PDE1A: variants seen among roughly 807,000 people sequenced by gnomAD.
PDE1A encodes the protein dual specificity calcium/calmodulin-dependent 3',5'-cyclic nucleotide phosphodiesterase 1A.
A neutral mutation model predicts 61.7 loss-of-function variants in PDE1A; 35 were observed. The ratio of observed to expected loss-of-function variants is 0.57; its 90% confidence interval spans 0.43 to 0.75. The LOEUF is 0.75. Ranked by LOEUF, PDE1A falls within the 30% of genes least tolerant of loss-of-function variation. PDE1A has a pLI of 0.00. For missense variants in PDE1A, 597 were observed against 630.6 expected (o/e 0.95, Z 0.57); for synonymous variants, 232 against 213.2 (o/e 1.09, Z -0.77).
intron 1 of PDE1A, among the ~76,000 whole-genome samples, chr2:182,421,758 C>T (rs920991268): frequency 7.2e-5 from 11 of 152,254 alleles, no homozygotes; most frequent in Middle Eastern, 3.4e-3. Flanking sequence ...TCATGGTAAA[C>T]ATTATCTGCC....
the PDE1A span, among the ~76,000 whole-genome samples, chr2:182,532,111 TA>T: frequency 3.2e-4 from 49 of 152,064 alleles, no homozygotes; most frequent in Non-Finnish European, 5.7e-4. Flanking sequence ...ACCATTTTGG[TA>T]AAAAAAATTT....
At chr2:182,236,606 T>A (rs889757718) in intron 3 of PDE1A, among the ~76,000 whole-genome samples, 26 of 152,228 alleles carry the variant, frequency 1.7e-4, no homozygotes, top group Non-Finnish European at 3.5e-4. Flanking sequence ...AACTATTTAA[T>A]GTCATTCATT....
intron 1 of PDE1A, among the ~76,000 whole-genome samples, chr2:182,346,216 C>CA (rs1698509925): frequency 6.6e-6 from 1 of 151,874 alleles, no homozygotes; most frequent in East Asian, 1.9e-4. Context: ...CAACAAGAGG[C>CA]AAAATAAATA....
chr2:182,354,620 G>A (rs1699074194), intron 1 of PDE1A, among the ~76,000 whole-genome samples: 1 of 152,142 alleles, frequency 6.6e-6, no homozygotes, highest in South Asian at 2.1e-4. Flanking sequence ...ATGGCAACAA[G>A]TGCTTGAGAA....
At chr2:182,242,893 T>C (rs1036960854) in intron 2 of PDE1A, among the ~76,000 whole-genome samples, 2 of 117,826 alleles carry the variant, frequency 1.7e-5, no homozygotes, top group East Asian at 2.2e-4. Context: ...CCTCTCTCTC[T>C]CTCTCCCTCT....
At chr2:182,355,888 A>G (rs916777152) in intron 1 of PDE1A, among the ~76,000 whole-genome samples, 3 of 152,134 alleles carry the variant, frequency 2.0e-5, no homozygotes, top group Non-Finnish European at 2.9e-5. Flanking sequence ...TGTCTGAAAT[A>G]TTTTCATTTG....
intron 1 of PDE1A, among the ~76,000 whole-genome samples, chr2:182,271,017 A>G (rs1367563153): frequency 1.3e-5 from 2 of 151,912 alleles, no homozygotes; most frequent in Non-Finnish European, 2.9e-5. Flanking sequence ...GCTCCATGAT[A>G]CCTTTATTTT....
chr2:182,631,147 G>A, the PDE1A span, among the ~76,000 whole-genome samples: 1 of 151,958 alleles, frequency 6.6e-6, no homozygotes, highest in South Asian at 2.1e-4. Context: ...TTAAAAACTT[G>A]ACAGCCAGAA....
At chr2:182,236,036 C>A (rs1387962718) in intron 3 of PDE1A, among the ~76,000 whole-genome samples, 1 of 152,180 alleles carries the variant, frequency 6.6e-6, no homozygotes, top group Non-Finnish European at 1.5e-5. Flanking sequence ...TTAATTACAT[C>A]TCTAGCCTAG....
the PDE1A span, among the ~76,000 whole-genome samples, chr2:182,623,994 G>T: frequency 1.3e-5 from 2 of 151,522 alleles, no homozygotes; most frequent in South Asian, 4.2e-4. Flanking sequence ...GCGTAGTGGC[G>T]GGCGCCTGTA....
chr2:182,410,262 G>A (rs948607792), intron 1 of PDE1A, among the ~76,000 whole-genome samples: 1 of 152,112 alleles, frequency 6.6e-6, no homozygotes, highest in African/African-American at 2.4e-5. Flanking sequence ...AGCTACTTGA[G>A]AGGCTGAGGC....
chr2:182,388,267 C>G (rs543633070), intron 1 of PDE1A, among the ~76,000 whole-genome samples: 1 of 152,122 alleles, frequency 6.6e-6, no homozygotes, highest in Non-Finnish European at 1.5e-5. Flanking sequence ...CAGCAATGAA[C>G]AGATTCAACC....
chr2:182,308,568 T>C (rs944540635), intron 1 of PDE1A, among the ~76,000 whole-genome samples: 1 of 152,064 alleles, frequency 6.6e-6, no homozygotes, highest in Admixed American at 6.6e-5. Flanking sequence ...TTTTATAGGA[T>C]AAAATAAAAT....
At chr2:182,634,521 G>C in the PDE1A span, among the ~76,000 whole-genome samples, 2 of 152,180 alleles carry the variant, frequency 1.3e-5, no homozygotes, top group African/African-American at 4.8e-5. Flanking sequence ...GTCCTGCTTT[G>C]CCGAAAGAGG....
Position 182,310,386 on chromosome 2 carries a change from T to G in PDE1A, c.54-45972A>C, listed in dbSNP as rs537671805. Among the ~76,000 whole-genome samples the G allele has an allele frequency of 5.9e-5, 9 of 152,266 alleles. No individual in the cohort carries two copies. In the East Asian group the frequency reaches 1.7e-3, roughly 29 times the overall value. On this transcript the variant is annotated intron_variant, in intron 1 of 13. Transcript: ENST00000351439. ...AGGAAATAGCAAAGGTCAAAAGTTA[T>G]GGAAAAACTTTGAACGTTGAAGGGA...
intron 1 of PDE1A, among the ~76,000 whole-genome samples, chr2:182,327,544 G>A (rs946741722): frequency 1.3e-5 from 2 of 152,282 alleles, no homozygotes; most frequent in Non-Finnish European, 2.9e-5. Flanking sequence ...AGTGGCCAAT[G>A]AGTGAGGTGA....
chr2:182,446,613 G>A (rs565928703), intron 2 of PDE1A, among the ~76,000 whole-genome samples: 2 of 152,168 alleles, frequency 1.3e-5, no homozygotes, highest in East Asian at 3.9e-4. Context: ...CTTTGTAAAT[G>A]GAAATGGAGA....
intron 13 of PDE1A, among the ~76,000 whole-genome samples, chr2:182,180,792 T>A (rs1684695360): frequency 6.6e-6 from 1 of 151,990 alleles, no homozygotes; most frequent in African/African-American, 2.4e-5. Context: ...TCCTTTTCAT[T>A]ATTTTTTCTC....
intron 13 of PDE1A, among the ~76,000 whole-genome samples, chr2:182,158,743 G>C (rs917667180): frequency 6.6e-6 from 1 of 152,150 alleles, no homozygotes; most frequent in Non-Finnish European, 1.5e-5. Flanking sequence ...AGATGACACT[G>C]TAATACACTT....
Sources: gnomAD v4.1 joint callset for allele counts (sites outside exome capture counted in the v4.1 genomes callset) on GRCh38, gnomAD v4.1.1 for gene constraint, MANE v1.5 for transcripts, NCBI Gene and HGNC (gene_info 2026-07-23, HGNC 2026-07-21) for gene names.